CASKIN1: variants seen among roughly 807,000 people sequenced by gnomAD.
The protein encoded by CASKIN1 is caskin-1.
A neutral mutation model predicts 117.5 loss-of-function variants in CASKIN1; 42 were observed. The observed-to-expected ratio is 0.36, with a 90% CI of 0.28 to 0.46. CASKIN1 has a LOEUF of 0.46. Among genes scored for constraint, CASKIN1 ranks in the 20% least tolerant of loss-of-function variants. CASKIN1 has a pLI of 1.00. For synonymous variants in CASKIN1, 1,148 were observed against 961.7 expected, an observed-to-expected ratio of 1.19 and a Z score of -3.59; for missense variants, 2,083 against 2,077.3, an observed-to-expected ratio of 1.00 and a Z score of -0.05.
At chr16:2,194,074 T>C (rs942000985) in intron 1 of CASKIN1, among the ~76,000 whole-genome samples, 3 of 152,162 alleles carry the variant, frequency 2.0e-5, no homozygotes, top group African/African-American at 4.8e-5. Context: ...GCCCTCTCAC[T>C]GCTATCCTGA....
chr16:2,196,394 C>G lies in CASKIN1; in HGVS notation c.39G>C (p.Ala13=). ...KEQELVQAVK[A]EDVGTAQRLL... Reference sequence around the variant, plus strand: ...GCCTCTGCGCGGTCCCTACGTCCTCCGCCTTCACCGCCTGCACCAGCTCCT... The same window carrying G: ...GCCTCTGCGCGGTCCCTACGTCCTCGGCCTTCACCGCCTGCACCAGCTCCT... Residue 13 remains alanine (A), a synonymous_variant, in exon 1 of 20, where the codon GCG becomes GCC. Coordinates refer to ENST00000343516, the MANE Select transcript of CASKIN1 (RefSeq NM_020764.4). This position sits in a 1 kb window ranked among gnomAD's most constrained non-coding sequence, Gnocchi z 5.7. 1 of 1,368,942 alleles carries G rather than the reference C, an allele frequency of 7.3e-7. No homozygotes were observed. Among genetic ancestry groups the G allele is most frequent in the South Asian group, 1.4e-5 (1 of 71,598 alleles). The allele number at this position is 1,368,942 out of a possible 1,614,324, so 84.8% of individuals were successfully genotyped here. A position where few individuals can be genotyped will look rare whatever the true frequency, so the allele number is the denominator to read the frequency against.
In CASKIN1 at chr16:2,181,008, G is replaced by A; in HGVS notation, c.2360C>T (p.Ser787Phe). ...PQTPTKTRPG[S>F]PQALGGPHGP... ...ATGAGGTCCCCCAAGGGCCTGGGGA[G>A]AGCCTGGTCGGGTTTTGGTGGGCGT... is the stretch of plus-strand genomic sequence containing the variant. Residue 787 changes from serine (S) to phenylalanine (F), a missense_variant, in exon 18 of 20, where the codon TCT becomes TTT. Physicochemically the swap from Ser to Phe is radical, Grantham distance 155. Transcript: ENST00000343516. 6.7e-7 allele frequency: 1 copy of A among 1,485,504 alleles called. No homozygotes were observed. The highest frequency in any genetic ancestry group is 2.5e-5 in the East Asian group (1 of 40,586). 92.0% of individuals were successfully genotyped at this position (1,485,504 alleles called of 1,614,324 possible).
intron 6 of CASKIN1, among the ~76,000 whole-genome samples, chr16:2,188,740 A>G (rs2093192184): frequency 6.6e-6 from 1 of 151,752 alleles, no homozygotes; most frequent in South Asian, 2.1e-4. Flanking sequence ...GCTGCTGTGA[A>G]CCCCACTTTA....
chr16:2,190,812 TG>T (rs2093199541), intron 1 of CASKIN1, among the ~76,000 whole-genome samples: 1 of 151,994 alleles, frequency 6.6e-6, no homozygotes, highest in African/African-American at 2.4e-5. Flanking sequence ...CACCCGGAAA[TG>T]GGGGTATCTC....
Position 2,196,419 on chromosome 16 carries a change from T to C in CASKIN1, c.14A>G (p.Gln5Arg). The change falls in exon 1 of 20, where the codon CAG becomes CGG. Residue 5 changes from glutamine (Q) to arginine (R), a missense_variant. By Grantham distance (43) the Gln-to-Arg change is conservative. Coordinates refer to ENST00000343516, the MANE Select transcript of CASKIN1 (RefSeq NM_020764.4). The surrounding 1 kb of genome is among the most constrained non-coding windows in gnomAD (Gnocchi z 5.7). ...CGCCTTCACCGCCTGCACCAGCTCC[T>C]GCTCCTTCCCCATGGCGCGGCCGGG... Reference protein sequence around the residue: MGKEQELVQAVKAED... With the variant: MGKERELVQAVKAED... The C allele has an allele frequency of 7.6e-7, 1 of 1,319,360 alleles. No individual in the cohort carries two copies. Among genetic ancestry groups the C allele is most frequent in the Non-Finnish European group, 9.8e-7 (1 of 1,020,198 alleles). 81.7% of individuals were successfully genotyped at this position (1,319,360 alleles called of 1,614,324 possible).
chr16:2,188,954 G>A (rs2093192836), intron 6 of CASKIN1, 73 bp downstream of exon 6: 9 of 1,540,952 alleles, frequency 5.8e-6, no homozygotes, highest in African/African-American at 2.8e-5. Context: ...CCAGAAGCTG[G>A]TGCCCTGAGC....
Position 2,178,656 on chromosome 16 carries a change from G to GCGGGGCA in CASKIN1, c.4200-17_4200-11dup. The GCGGGGCA allele has an allele frequency of 6.3e-7, 1 of 1,584,090 alleles. No individual in the cohort carries two copies. The highest frequency in any genetic ancestry group is 8.5e-7 in the Non-Finnish European group (1 of 1,172,334). ...TTCCGCCGCCGAGTCGCTGCGGGGCGCGGGGCAAGGGGCGTGAGTGGGCGG... is the reference window on the plus strand; with the variant it reads ...TTCCGCCGCCGAGTCGCTGCGGGGCGCGGGGCACGGGGCAAGGGGCGTGAGTGGGCGG... On this transcript the variant is annotated splice_polypyrimidine_tract_variant and intron_variant, in intron 19 of 19. Transcript: ENST00000343516.
chr16:2,192,329 G>C (rs911749030), intron 1 of CASKIN1, among the ~76,000 whole-genome samples: 2 of 151,518 alleles, frequency 1.3e-5, no homozygotes, highest in African/African-American at 4.9e-5. Context: ...GAGAGAACAT[G>C]AATCAGATCT....
chr16:2,191,243 G>A (rs1444593142), intron 1 of CASKIN1, among the ~76,000 whole-genome samples: 2 of 152,200 alleles, frequency 1.3e-5, no homozygotes, highest in Non-Finnish European at 2.9e-5. Flanking sequence ...GTGGGGGCAG[G>A]AGCTGAGGGC....
chr16:2,187,345 A>G lies in CASKIN1; in HGVS notation c.726+8T>C. 2 of 1,613,078 alleles carry G rather than the reference A, an allele frequency of 1.2e-6. No homozygotes were observed. The highest frequency in any genetic ancestry group is 1.7e-6 in the Non-Finnish European group (2 of 1,179,754). On this transcript the variant is annotated splice_region_variant and intron_variant, in intron 7 of 19. Transcript: ENST00000343516. Reference sequence around the variant, plus strand: ...ACTGGGCCCAGCGCCCCTGGGCCCCACACTCACATCCAGCAGCAGCCGCAC... The same window carrying G: ...ACTGGGCCCAGCGCCCCTGGGCCCCGCACTCACATCCAGCAGCAGCCGCAC...
intron 10 of CASKIN1, 61 bp downstream of exon 10, chr16:2,186,646 C>A: frequency 6.8e-7 from 1 of 1,471,978 alleles, no homozygotes. Flanking sequence ...AGCACACTCG[C>A]TGCTTCCAGC....
Position 2,178,489 on chromosome 16 carries a change from A to T in CASKIN1, c.*61T>A. The T allele has an allele frequency of 7.6e-7, 1 of 1,320,768 alleles. No homozygotes were observed. The highest frequency in any genetic ancestry group is 1.0e-6 in the Non-Finnish European group (1 of 986,232). The allele number at this position is 1,320,768 out of a possible 1,614,324, so 81.8% of individuals were successfully genotyped here. ...GCCGCGCCCAGACGCGCCCATCCTG[A>T]GGTATAGGTCAGTGTGCGGGGAGGG... is the stretch of plus-strand genomic sequence containing the variant. On this transcript the variant is annotated 3_prime_UTR_variant, in exon 20 of 20. Coordinates refer to ENST00000343516, the MANE Select transcript of CASKIN1 (RefSeq NM_020764.4).
rs2093215272 is a variant in CASKIN1 at position 2,196,119 on chromosome 16, C to T, written c.94+220G>A. Among the ~76,000 whole-genome samples, 2 of 152,074 alleles carry T rather than the reference C, an allele frequency of 1.3e-5. No homozygotes were observed. Among genetic ancestry groups the T allele is most frequent in the African/African-American group, 4.8e-5 (2 of 41,532 alleles). ...GGAGGCGGGTGCCGCCAGGTGCCCG[C>T]TGCGGGGCTCACGGTGGCGGCCGGC... On this transcript the variant is annotated intron_variant, in intron 1 of 19. Transcript: ENST00000343516. The surrounding 1 kb of genome is among the most constrained non-coding windows in gnomAD (Gnocchi z 5.7).
At chr16:2,192,108 A>G (rs2093202955) in intron 1 of CASKIN1, among the ~76,000 whole-genome samples, 1 of 152,082 alleles carries the variant, frequency 6.6e-6, no homozygotes, top group South Asian at 2.1e-4. Context: ...CCTGGCCAAC[A>G]TAGCAAGACC....
chr16:2,186,915 T>C, intron 9 of CASKIN1, 63 bp downstream of exon 9: 3 of 1,603,456 alleles, frequency 1.9e-6, no homozygotes, highest in East Asian at 2.2e-5. Flanking sequence ...GAGGGTGTTC[T>C]GGGGTGCGCA....
chr16:2,181,484 C>A lies in CASKIN1; in HGVS notation c.1884G>T (p.Val628=), dbSNP rs758325357. The change falls in exon 18 of 20, where the codon GTG becomes GTT. Residue 628 remains valine (V), a synonymous_variant. Transcript: ENST00000343516. ...LRRKAPQSLE[V]MAIESPPPPE... is the part of the protein sequence containing the mutation. ...GCGGGGGCGGCGACTCGATGGCCAT[C>A]ACTTCAAGAGACTGGGGCGCCTTCC... 1.2e-6 allele frequency: 2 copies of A among 1,611,692 alleles called. No homozygotes were observed. Among genetic ancestry groups the A allele is most frequent in the Non-Finnish European group, 1.7e-6 (2 of 1,179,770 alleles).
At chr16:2,191,112 A>C (rs1176157037) in intron 1 of CASKIN1, among the ~76,000 whole-genome samples, 1 of 152,136 alleles carries the variant, frequency 6.6e-6, no homozygotes, top group Non-Finnish European at 1.5e-5. Flanking sequence ...GCTCTAGTCC[A>C]AGCAGACTTG....
At chr16:2,192,891 G>A (rs1297690273) in intron 1 of CASKIN1, among the ~76,000 whole-genome samples, 1 of 152,238 alleles carries the variant, frequency 6.6e-6, no homozygotes, top group Non-Finnish European at 1.5e-5. Context: ...GTTGCGGACT[G>A]GATCGATCTC....
At chr16:2,184,019 G>T in intron 14 of CASKIN1, 78 bp from the exon 15 acceptor site, 1 of 994,338 alleles carries the variant, frequency 1.0e-6, no homozygotes, top group Non-Finnish European at 1.5e-6. Flanking sequence ...TCCTCTGCTT[G>T]GCCGGCCAGC....
Sources: allele counts gnomAD v4.1 joint callset (sites outside exome capture counted in the v4.1 genomes callset), GRCh38; gene constraint gnomAD v4.1.1; non-coding constraint Gnocchi (gnomAD v3.1); transcripts MANE v1.5; gene names NCBI Gene and HGNC (gene_info 2026-07-23, HGNC 2026-07-21).